Variants in PCSK5 observed in about 807,000 individuals in gnomAD.
PCSK5 encodes the protein proprotein convertase subtilisin/kexin type 5.
Under a neutral mutation model 233.2 loss-of-function variants are expected in PCSK5, and 129 were observed. The observed-to-expected ratio is 0.55, with a 90% CI of 0.48 to 0.64. PCSK5 has a LOEUF of 0.64. PCSK5 is among the 30% of genes least tolerant of loss of function. The pLI, the probability that PCSK5 is intolerant of heterozygous loss-of-function variation, is 0.00. For synonymous variants in PCSK5, 825 were observed against 879.2 expected (o/e 0.94, Z 1.09); for missense variants, 2,076 against 2,430.1 (o/e 0.85, Z 3.06).
chr9:76,354,831 G>A (rs1480804221), intron 37 of PCSK5, among the ~76,000 whole-genome samples: 2 of 152,028 alleles, frequency 1.3e-5, no homozygotes, highest in Non-Finnish European at 2.9e-5. Context: ...TTGCCTCCAA[G>A]ACTAGAACTC....
chr9:75,911,686 A>G (rs1174685742), intron 1 of PCSK5, among the ~76,000 whole-genome samples: 1 of 152,036 alleles, frequency 6.6e-6, no homozygotes, highest in East Asian at 1.9e-4. Context: ...GGATGGCTTC[A>G]CTCACATATC....
At chr9:76,325,612 TGAGGTG>T (rs1829336693) in intron 32 of PCSK5, among the ~76,000 whole-genome samples, 1 of 152,154 alleles carries the variant, frequency 6.6e-6, no homozygotes, top group African/African-American at 2.4e-5. Flanking sequence ...GAAACTCACT[TGAGGTG>T]TCTCCCTACA....
chr9:76,014,811 C>G (rs985324200), intron 3 of PCSK5, among the ~76,000 whole-genome samples: 6 of 152,174 alleles, frequency 3.9e-5, no homozygotes, highest in African/African-American at 1.4e-4. Flanking sequence ...TATGCTCTTT[C>G]TTAGACCTTT....
At chr9:75,975,403 C>G (rs1466673580) in intron 2 of PCSK5, among the ~76,000 whole-genome samples, 3 of 152,158 alleles carry the variant, frequency 2.0e-5, no homozygotes, top group Non-Finnish European at 4.4e-5. Flanking sequence ...TATTGAGAAG[C>G]AAGATGCTGA....
intron 7 of PCSK5, among the ~76,000 whole-genome samples, chr9:76,077,461 C>T (rs1830680817): frequency 1.3e-5 from 2 of 152,082 alleles, no homozygotes; most frequent in Non-Finnish European, 2.9e-5. Context: ...GGTACATGTG[C>T]AGGTTTGTTA....
chr9:76,326,920 CA>C (rs1037741506), intron 32 of PCSK5, among the ~76,000 whole-genome samples: 2 of 152,132 alleles, frequency 1.3e-5, no homozygotes, highest in African/African-American at 4.8e-5. Context: ...GCAAACCATG[CA>C]TGCCTCTGGG....
chr9:76,339,789 C>T (rs751241108), intron 35 of PCSK5, among the ~76,000 whole-genome samples: 1 of 152,084 alleles, frequency 6.6e-6, no homozygotes, highest in Non-Finnish European at 1.5e-5. Context: ...ATGATCCGCC[C>T]GCCTCAACCT....
At chr9:76,053,498 C>G (rs1406092406) in intron 5 of PCSK5, among the ~76,000 whole-genome samples, 1 of 152,194 alleles carries the variant, frequency 6.6e-6, no homozygotes, top group African/African-American at 2.4e-5. Context: ...TCCTCTTCTT[C>G]CTCTTGAATG....
At chr9:76,165,804 C>G (rs763228407) in intron 12 of PCSK5, among the ~76,000 whole-genome samples, 1 of 152,208 alleles carries the variant, frequency 6.6e-6, no homozygotes, top group African/African-American at 2.4e-5. Flanking sequence ...TGGCATGTGT[C>G]TGATCTCTTC....
At chr9:76,027,662 C>G (rs750761576) in intron 5 of PCSK5, among the ~76,000 whole-genome samples, 26 of 150,470 alleles carry the variant, frequency 1.7e-4, no homozygotes, top group Non-Finnish European at 3.7e-4. Flanking sequence ...CATTCACATC[C>G]ATTTGATAAC....
chr9:75,910,833 T>G (rs1822694926), intron 1 of PCSK5, among the ~76,000 whole-genome samples: 1 of 152,190 alleles, frequency 6.6e-6, no homozygotes, highest in Non-Finnish European at 1.5e-5. Context: ...GACATTATGC[T>G]TTAGTTGTGA....
chr9:76,018,589 C>T (rs1828051484), intron 3 of PCSK5, among the ~76,000 whole-genome samples: 2 of 152,192 alleles, frequency 1.3e-5, no homozygotes, highest in South Asian at 4.1e-4. Flanking sequence ...ACCCCACATC[C>T]GTGGAAAAAT....
intron 6 of PCSK5, among the ~76,000 whole-genome samples, 158 bp downstream of exon 6, chr9:76,068,201 G>A (rs1430177063): frequency 1.3e-5 from 2 of 152,084 alleles, no homozygotes; most frequent in East Asian, 3.8e-4. Context: ...ATGTTAGCAT[G>A]CGCCTTTAAA....
intron 37 of PCSK5, among the ~76,000 whole-genome samples, chr9:76,355,258 G>C (rs1308556576): frequency 6.6e-6 from 1 of 152,144 alleles, no homozygotes; most frequent in Non-Finnish European, 1.5e-5. Context: ...GGATCACAAG[G>C]TCAGGAGATC....
chr9:75,996,308 C>T (rs1460221246), intron 3 of PCSK5, among the ~76,000 whole-genome samples: 1 of 151,988 alleles, frequency 6.6e-6, no homozygotes, highest in Non-Finnish European at 1.5e-5. Context: ...CTATATTATT[C>T]CTGATGCCAA....
At chr9:76,307,185 C>A (rs1408771981) in intron 28 of PCSK5, among the ~76,000 whole-genome samples, 2 of 152,050 alleles carry the variant, frequency 1.3e-5, no homozygotes, top group African/African-American at 4.8e-5. Flanking sequence ...ATTACCGTAT[C>A]CATGGTTACC....
At chr9:75,907,363 T>C (rs1826304809) in intron 1 of PCSK5, among the ~76,000 whole-genome samples, 1 of 152,172 alleles carries the variant, frequency 6.6e-6, no homozygotes, top group African/African-American at 2.4e-5. Flanking sequence ...GTACAAAAAA[T>C]TCTATATAGT....
intron 8 of PCSK5, among the ~76,000 whole-genome samples, chr9:76,097,239 T>C (rs1471844753): frequency 2.2e-5 from 3 of 137,036 alleles, no homozygotes; most frequent in Non-Finnish European, 4.6e-5. Flanking sequence ...AGCCAAAAAG[T>C]GCATTTCTTT....
At chr9:76,036,678 C>T (rs1410249158) in intron 5 of PCSK5, among the ~76,000 whole-genome samples, 2 of 152,232 alleles carry the variant, frequency 1.3e-5, no homozygotes, top group African/African-American at 4.8e-5. Context: ...ATTTACTACT[C>T]ACAACAACCC....
Sources: allele counts gnomAD v4.1 joint callset (sites outside exome capture counted in the v4.1 genomes callset), GRCh38; gene constraint gnomAD v4.1.1; transcripts MANE v1.5; gene names NCBI Gene and HGNC (gene_info 2026-07-23, HGNC 2026-07-21).